The following SEC61A2 variants were observed in gnomAD, a reference collection of about 807,000 sequenced individuals.
The protein encoded by SEC61A2 is SEC61 translocon subunit alpha 2.
Under a neutral mutation model 59.9 loss-of-function variants are expected in SEC61A2, and 28 were observed. The ratio of observed to expected loss-of-function variants is 0.47; its 90% CI spans 0.35 to 0.64. The LOEUF (loss-of-function observed/expected upper bound fraction) is 0.64. Among genes scored for constraint, SEC61A2 ranks in the 30% least tolerant of loss-of-function variants. SEC61A2 has a pLI of 0.01. For synonymous variants in SEC61A2, 202 were observed against 214.4 expected (o/e 0.94, Z 0.50); for missense variants, 340 against 585.9 (o/e 0.58, Z 4.33).
At position 12,152,669 on chromosome 10, in the gene SEC61A2, C is replaced by T. The variant is rs1033355556; in HGVS notation, c.462+2708C>T. ...CAGCACTTTGGGAGGCTGAGGCGGG[C>T]GGATCACGAGGTCAGGAGATCGAGA... On this transcript the variant is annotated intron_variant, in intron 6 of 11. Coordinates refer to ENST00000298428, the MANE Select transcript of SEC61A2 (RefSeq NM_018144.4). This position sits in a 1 kb window ranked among gnomAD's most constrained non-coding sequence, Gnocchi z 5.5. Among the ~76,000 whole-genome samples the T allele has an allele frequency of 1.3e-5, 2 of 151,376 alleles. No individual in the cohort carries two copies. Among genetic ancestry groups the T allele is most frequent in the Non-Finnish European group, 1.5e-5 (1 of 67,846 alleles).
rs1438224685 is a variant in SEC61A2 at position 12,142,175 on chromosome 10, T to C, written c.142-942T>C. 6.6e-6 allele frequency among the ~76,000 whole-genome samples: 1 copy of C among 152,176 alleles called. No homozygotes were observed. Among genetic ancestry groups the C allele is most frequent in the East Asian group, 1.9e-4 (1 of 5,206 alleles). On this transcript the variant is annotated intron_variant, in intron 3 of 11. Transcript: ENST00000298428. This position sits in a 1 kb window ranked among gnomAD's most constrained non-coding sequence, Gnocchi z 5.4. ...CAGGGCAGGATTTATGGCGAGTACA[T>C]GTTCTTACACTAAGGACTGTAAATA... is the stretch of plus-strand genomic sequence containing the variant.
chr10:12,132,234 G>A (rs1398461134), intron 1 of SEC61A2, among the ~76,000 whole-genome samples: 1 of 151,504 alleles, frequency 6.6e-6, no homozygotes, highest in East Asian at 2.0e-4. Context: ...CCGGGGGGCG[G>A]AGGTTGCAGT....
intron 4 of SEC61A2, among the ~76,000 whole-genome samples, chr10:12,147,378 T>C (rs1834164779): frequency 6.6e-6 from 1 of 152,192 alleles, no homozygotes; most frequent in Non-Finnish European, 1.5e-5. Flanking sequence ...ATTTATCCTT[T>C]ATGTTTAAAT....
At position 12,149,264 on chromosome 10, in the gene SEC61A2, AT is replaced by A. The variant is rs1018847083; in HGVS notation, c.221-326del. Among the ~76,000 whole-genome samples, 1 of 151,830 alleles carries A rather than the reference AT, an allele frequency of 6.6e-6. No individual in the cohort carries two copies. Among genetic ancestry groups the A allele is most frequent in the African/African-American group, 2.4e-5 (1 of 41,330 alleles). ...GCCACCACACCTGGCTAATTTTTGC[AT>A]TTTTAGTAGAGACGGGGTTTCTCCA... On this transcript the variant is annotated intron_variant, in intron 4 of 11. Coordinates refer to ENST00000298428, the MANE Select transcript of SEC61A2 (RefSeq NM_018144.4). The surrounding 1 kb of genome is among the most constrained non-coding windows in gnomAD (Gnocchi z 5.2).
At position 12,156,883 on chromosome 10, in the gene SEC61A2, G is replaced by T; in HGVS notation, c.617-24G>T. 4 of 1,612,544 alleles carry T rather than the reference G, an allele frequency of 2.5e-6. No homozygotes were observed. The highest frequency in any genetic ancestry group is 2.5e-6 in the Non-Finnish European group (3 of 1,179,492). Reference sequence around the variant, plus strand: ...ACAGCTTTGGACGATGAGTCCACAGGTCGTGTCTGTCTTGATTTTACAGGT... The same window carrying T: ...ACAGCTTTGGACGATGAGTCCACAGTTCGTGTCTGTCTTGATTTTACAGGT... On this transcript the variant is annotated intron_variant, in intron 7 of 11. Transcript: ENST00000298428. This position sits in a 1 kb window ranked among gnomAD's most constrained non-coding sequence, Gnocchi z 5.2.
At position 12,162,466 on chromosome 10, in the gene SEC61A2, T is replaced by C. The variant is rs770382220; in HGVS notation, c.1244+177T>C. On this transcript the variant is annotated intron_variant, in intron 11 of 11. Coordinates refer to ENST00000298428, the MANE Select transcript of SEC61A2 (RefSeq NM_018144.4). The surrounding 1 kb of genome is among the most constrained non-coding windows in gnomAD (Gnocchi z 6.1). ...TCAAAACCAACACCTGAATTTTTCA[T>C]TGAAATTGTGAGCACTGCTCTGCTC... is the stretch of plus-strand genomic sequence containing the variant. 1.3e-6 allele frequency: 1 copy of C among 758,986 alleles called. No homozygotes were observed. Among genetic ancestry groups the C allele is most frequent in the Non-Finnish European group, 2.4e-6 (1 of 413,704 alleles). The allele number at this position is 758,986 out of a possible 1,614,324, so 47.0% of individuals were successfully genotyped here.
At chr10:12,133,362 A>T in intron 2 of SEC61A2, 54 bp downstream of exon 2, 1 of 893,448 alleles carries the variant, frequency 1.1e-6, no homozygotes. Context: ...TGTTCTATGA[A>T]ACCAGCAAAA....
chr10:12,168,678 A>G (rs1029498304), downstream of SEC61A2, among the ~76,000 whole-genome samples: 3 of 152,192 alleles, frequency 2.0e-5, no homozygotes, highest in Non-Finnish European at 4.4e-5. The surrounding 1 kb of genome is among the most constrained non-coding windows in gnomAD (Gnocchi z 4.8). Context: ...ATTTGCAGGC[A>G]GGAAGCATGT....
Position 12,143,915 on chromosome 10 carries a change from T to G in SEC61A2, c.220+720T>G, listed in dbSNP as rs1402889923. Reference sequence around the variant, plus strand: ...TTAGGAACAGTGGTTGCCTCTTTTTTGGAAACACTTTTTTCAGGCGATCCT... The same window carrying G: ...TTAGGAACAGTGGTTGCCTCTTTTTGGGAAACACTTTTTTCAGGCGATCCT... On this transcript the variant is annotated intron_variant, in intron 4 of 11. Coordinates refer to ENST00000298428, the MANE Select transcript of SEC61A2 (RefSeq NM_018144.4). The surrounding 1 kb of genome is among the most constrained non-coding windows in gnomAD (Gnocchi z 4.8). Among the ~76,000 whole-genome samples the G allele has an allele frequency of 6.6e-6, 1 of 152,180 alleles. No homozygotes were observed. Among genetic ancestry groups the G allele is most frequent in the South Asian group, 2.1e-4 (1 of 4,830 alleles).
At position 12,149,688 on chromosome 10, in the gene SEC61A2, C is replaced by T; in HGVS notation, c.314C>T (p.Thr105Ile). 1 of 1,613,852 alleles carries T rather than the reference C, an allele frequency of 6.2e-7. No homozygotes were observed. Among genetic ancestry groups the T allele is most frequent in the Non-Finnish European group, 8.5e-7 (1 of 1,179,948 alleles). Residue 105 changes from threonine (T) to isoleucine (I), a missense_variant, in exon 5 of 12, where the codon ACA becomes ATA. Transcript: ENST00000298428. This position sits in a 1 kb window ranked among gnomAD's most constrained non-coding sequence, Gnocchi z 5.2. ...AGAKIIEVGDTPKDRALFNGA... is the reference protein window; with the variant it reads ...AGAKIIEVGDIPKDRALFNGA... ...GCCAAAATCATTGAAGTTGGAGATACACCGAAAGATAGAGCTTTATTCAAT... is the reference window on the plus strand; with the variant it reads ...GCCAAAATCATTGAAGTTGGAGATATACCGAAAGATAGAGCTTTATTCAAT...
downstream of SEC61A2, chr10:12,167,858 AC>A (rs1323408190): frequency 5.6e-6 from 9 of 1,608,282 alleles, no homozygotes. Context: ...TTAAGGAAGG[AC>A]AAAACATCTT....
chr10:12,147,467 T>C (rs1037703015), intron 4 of SEC61A2, among the ~76,000 whole-genome samples: 1 of 152,150 alleles, frequency 6.6e-6, no homozygotes, highest in Non-Finnish European at 1.5e-5. Flanking sequence ...GGCAGATTAC[T>C]TGAGGTCAGG....
Position 12,161,424 on chromosome 10 carries a change from G to A in SEC61A2, c.1167+303G>A, listed in dbSNP as rs181255909. Among the ~76,000 whole-genome samples, 853 of 151,922 alleles carry A rather than the reference G, an allele frequency of 5.6e-3. 7 individuals are homozygous for A. Among genetic ancestry groups the A allele is most frequent in the Non-Finnish European group, 9.3e-3 (632 of 67,954 alleles). ...ATTGCACCACTGCACTCCAGCCTGG[G>A]TGACAGAGCGAGATCCTGTCTCAAA... On this transcript the variant is annotated intron_variant, in intron 10 of 11. Coordinates refer to ENST00000298428, the MANE Select transcript of SEC61A2 (RefSeq NM_018144.4). The surrounding 1 kb of genome is among the most constrained non-coding windows in gnomAD (Gnocchi z 5.4).
Position 12,153,736 on chromosome 10 carries a change from A to G in SEC61A2, c.463-2042A>G, listed in dbSNP as rs879331538. ...GCAGTGACCCATTGGTGTCTTTTCA[A>G]GGCGTTACTAACATTGAAAATATGT... On this transcript the variant is annotated intron_variant, in intron 6 of 11. Coordinates refer to ENST00000298428, the MANE Select transcript of SEC61A2 (RefSeq NM_018144.4). This position sits in a 1 kb window ranked among gnomAD's most constrained non-coding sequence, Gnocchi z 5.2. 6 of 1,611,478 alleles carry G rather than the reference A, an allele frequency of 3.7e-6. No individual in the cohort carries two copies. The highest frequency in any genetic ancestry group is 2.7e-5 in the African/African-American group (2 of 74,896).
Position 12,164,006 on chromosome 10 carries a change from T to G in SEC61A2, c.1245-262T>G, listed in dbSNP as rs1279255318. On this transcript the variant is annotated intron_variant, in intron 11 of 11. Transcript: ENST00000298428. This position sits in a 1 kb window ranked among gnomAD's most constrained non-coding sequence, Gnocchi z 7.3. ...TTTAATATTTAAATCTGTCCAGGAA[T>G]CTCATGTCCTGTAAGATTACATATT... 6.6e-6 allele frequency among the ~76,000 whole-genome samples: 1 copy of G among 152,210 alleles called. No individual in the cohort carries two copies. The highest frequency in any genetic ancestry group is 6.5e-5 in the Admixed American group (1 of 15,272).
intron 3 of SEC61A2, among the ~76,000 whole-genome samples, chr10:12,137,861 C>T (rs895094444): frequency 1.3e-5 from 2 of 152,006 alleles, no homozygotes; most frequent in Non-Finnish European, 2.9e-5. Context: ...CAAAAATTAG[C>T]CAGGCATGGT....
chr10:12,147,541 T>C lies in SEC61A2; in HGVS notation c.221-2054T>C, dbSNP rs941611703. Among the ~76,000 whole-genome samples, 5 of 152,058 alleles carry C rather than the reference T, an allele frequency of 3.3e-5. No individual in the cohort carries two copies. In the South Asian group the frequency reaches 1.0e-3, roughly 32 times the overall value. The stretch of plus-strand genomic sequence containing the variant: ...CTCTACCAAAAATACAGAAATTAGC[T>C]GGGCATGGTGGCTTACGCCAGTAAT... On this transcript the variant is annotated intron_variant, in intron 4 of 11. Transcript: ENST00000298428.
chr10:12,135,826 A>G (rs186533249), intron 2 of SEC61A2, among the ~76,000 whole-genome samples: 232 of 152,224 alleles, frequency 1.5e-3, no homozygotes, highest in African/African-American at 5.4e-3. Flanking sequence ...GAAGTATTTC[A>G]TTATTTATAT....
At position 12,158,803 on chromosome 10, in the gene SEC61A2, A is replaced by T. The variant is rs1481351371; in HGVS notation, c.975+698A>T. 6.6e-6 allele frequency among the ~76,000 whole-genome samples: 1 copy of T among 151,940 alleles called. No individual in the cohort carries two copies. The highest frequency in any genetic ancestry group is 1.5e-5 in the Non-Finnish European group (1 of 67,980). ...TACTGGACTCATCCTAACCTTTCCT[A>T]TCTCCCACCCTGCCTCCAGGCCTCC... On this transcript the variant is annotated intron_variant, in intron 9 of 11. Coordinates refer to ENST00000298428, the MANE Select transcript of SEC61A2 (RefSeq NM_018144.4). The surrounding 1 kb of genome is among the most constrained non-coding windows in gnomAD (Gnocchi z 5.7).
Sources: allele counts gnomAD v4.1 joint callset (sites outside exome capture counted in the v4.1 genomes callset), GRCh38; gene constraint gnomAD v4.1.1; non-coding constraint Gnocchi (gnomAD v3.1); transcripts MANE v1.5; gene names NCBI Gene and HGNC (gene_info 2026-07-23, HGNC 2026-07-21).